The following MEOX1 variants were observed in gnomAD, a reference collection of about 807,000 sequenced individuals.
MEOX1 encodes the protein homeobox protein MOX-1.
In MEOX1, 17 loss-of-function variants were observed where a neutral mutation model predicts 23.2. That is an observed-to-expected ratio of 0.73 (90% CI 0.50 to 1.10). The LOEUF (loss-of-function observed/expected upper bound fraction) is 1.10. Among genes scored for constraint, MEOX1 ranks in the 50% least tolerant of loss-of-function variants. The probability of loss-of-function intolerance (pLI) is 0.00; values close to 1 mark genes in which losing one functional copy is unlikely to be tolerated. For synonymous variants in MEOX1, 134 were observed against 135.1 expected (o/e 0.99, Z 0.06); for missense variants, 333 against 332.2 (o/e 1.00, Z -0.02).
intron 1 of MEOX1, among the ~76,000 whole-genome samples, chr17:43,659,828 C>T (rs986917075): frequency 6.6e-6 from 1 of 152,232 alleles, no homozygotes; most frequent in African/African-American, 2.4e-5. Context: ...CAGGGCACAT[C>T]CCACTGCTGA....
At chr17:43,655,930 T>C (rs773400633) in intron 1 of MEOX1, among the ~76,000 whole-genome samples, 1 of 152,188 alleles carries the variant, frequency 6.6e-6, no homozygotes, top group African/African-American at 2.4e-5. Context: ...AGAAATCGAT[T>C]GCACAACTAC....
rs57762377 is a variant in MEOX1 at position 43,655,660 on chromosome 17, TAAAAAAAAAAAAAAAA to T, written c.469+5390_469+5405del. Among the ~76,000 whole-genome samples the T allele has an allele frequency of 4.0e-5, 3 of 75,598 alleles. No individual in the cohort carries two copies. The Admixed American group carries it at 5.3e-4, about 13-fold the overall frequency. The allele number at this position is 75,598 out of a possible 152,430, so 49.6% of individuals were successfully genotyped here. On this transcript the variant is annotated intron_variant, in intron 1 of 2. Transcript: ENST00000318579. ...GCAGCATAGCAAGACCCTGTCTTTC[TAAAAAAAAAAAAAAAA>T]AAAAAAAAAAGAAGAAAATCCTGTC...
At chr17:43,646,359 C>T (rs531928188) in intron 1 of MEOX1, among the ~76,000 whole-genome samples, 1 of 152,336 alleles carries the variant, frequency 6.6e-6, no homozygotes, top group East Asian at 1.9e-4. Flanking sequence ...ACGGGCTTCC[C>T]GGAGCACAGC....
rs1973138757 is a variant in MEOX1, at chr17:43,661,357, G to T, written c.178C>A (p.Pro60Thr). ...DFLATATAAY[P>T]DFSASCLAAT... ...GCCAGGCAGGAGGCTGAGAAGTCAG[G>T]GTACGCTGCCGTCGCTGTCGCCAGG... Residue 60 changes from proline to threonine, a missense_variant, in exon 1 of 3, where the codon CCT becomes ACT. Coordinates refer to ENST00000318579, the MANE Select transcript of MEOX1 (RefSeq NM_004527.4). 6.2e-7 allele frequency: 1 copy of T among 1,613,960 alleles called. No homozygotes were observed. The highest frequency in any genetic ancestry group is 8.5e-7 in the Non-Finnish European group (1 of 1,179,948).
chr17:43,643,484 G>A lies in MEOX1; in HGVS notation c.642+4C>T, dbSNP rs138317571. The A allele has an allele frequency of 1.4e-5, 22 of 1,570,466 alleles. No individual in the cohort carries two copies. The highest frequency in any genetic ancestry group is 1.7e-5 in the Non-Finnish European group (20 of 1,156,746). On this transcript the variant is annotated splice_donor_region_variant and intron_variant, in intron 2 of 2. Coordinates refer to ENST00000318579, the MANE Select transcript of MEOX1 (RefSeq NM_004527.4). ...AGAAGAGGAGGGGCCCACCGGGGGC[G>A]CACCTGGCGCTCAGAGAGGTCCAGG...
At chr17:43,655,153 C>T (rs188501937) in intron 1 of MEOX1, among the ~76,000 whole-genome samples, 1 of 152,198 alleles carries the variant, frequency 6.6e-6, no homozygotes, top group East Asian at 1.9e-4. Flanking sequence ...AAGCAACCTA[C>T]ATGTTCATCA....
At chr17:43,657,782 A>C (rs560841014) in intron 1 of MEOX1, among the ~76,000 whole-genome samples, 1 of 152,336 alleles carries the variant, frequency 6.6e-6, no homozygotes, top group South Asian at 2.1e-4. Context: ...AGACAGCATA[A>C]TTGAAATATT....
chr17:43,659,399 T>A (rs1052175046), intron 1 of MEOX1, among the ~76,000 whole-genome samples: 3 of 152,144 alleles, frequency 2.0e-5, no homozygotes, highest in African/African-American at 7.2e-5. Flanking sequence ...TTAGCAGCCA[T>A]GAGGGCTGCT....
Position 43,661,729 on chromosome 17 carries a change from C to T in MEOX1, c.-195G>A. On this transcript the variant is annotated 5_prime_UTR_variant, in exon 1 of 3. Coordinates refer to ENST00000318579, the MANE Select transcript of MEOX1 (RefSeq NM_004527.4). The stretch of plus-strand genomic sequence containing the variant: ...TCCTTAAAGTACACACACATGTGGC[C>T]AGCTACTCCTATGTGTGTGCACACA... 1 of 501,536 alleles carries T rather than the reference C, an allele frequency of 2.0e-6. No homozygotes were observed. Among genetic ancestry groups the T allele is most frequent in the Non-Finnish European group, 3.5e-6 (1 of 287,874 alleles). 31.1% of individuals were successfully genotyped at this position (501,536 alleles called of 1,614,324 possible). A position where few individuals can be genotyped will look rare whatever the true frequency, so the allele number is the denominator to read the frequency against.
intron 2 of MEOX1, 58 bp from the exon 3 acceptor site, chr17:43,642,090 T>G (rs559053526): frequency 1.2e-5 from 18 of 1,560,636 alleles, no homozygotes; most frequent in Non-Finnish European, 1.5e-5. Context: ...CTCCTCCCCA[T>G]GTCAATGCTT....
rs776306534 is a variant in MEOX1 at position 43,643,466 on chromosome 17, G to T, written c.642+22C>A. ...AGGGAGATGAGAGAGCAAAGAAGAG[G>T]AGGGGCCCACCGGGGGCGCACCTGG... On this transcript the variant is annotated intron_variant, in intron 2 of 2. Coordinates refer to ENST00000318579, the MANE Select transcript of MEOX1 (RefSeq NM_004527.4). 17 of 1,548,420 alleles carry T rather than the reference G, an allele frequency of 1.1e-5. 1 individual carries two copies. In the South Asian group the frequency reaches 1.9e-4, roughly 18 times the overall value.
At chr17:43,642,720 G>A (rs1027665392) in intron 2 of MEOX1, among the ~76,000 whole-genome samples, 47 of 152,226 alleles carry the variant, frequency 3.1e-4, no homozygotes, top group African/African-American at 1.1e-3. Flanking sequence ...CTCAAAGTGT[G>A]CCCAGGAACC....
chr17:43,647,113 G>A (rs943637896), intron 1 of MEOX1, among the ~76,000 whole-genome samples: 13 of 152,220 alleles, frequency 8.5e-5, no homozygotes, highest in African/African-American at 3.1e-4. Flanking sequence ...TGTGCCCAGA[G>A]GCATCTGCGG....
intron 1 of MEOX1, among the ~76,000 whole-genome samples, chr17:43,650,303 A>C (rs920912043): frequency 3.9e-5 from 6 of 152,202 alleles, no homozygotes; most frequent in African/African-American, 1.4e-4. Context: ...CTGTAAGGAC[A>C]CACGGCAAGT....
Position 43,646,943 on chromosome 17 carries a change from C to T in MEOX1, c.470-3283G>A, listed in dbSNP as rs141782960. ...CGGAGGTTGCGGTGAGCCGAGATTG[C>T]GCCATTGCTCTCCAGCCTGGGCAAC... On this transcript the variant is annotated intron_variant, in intron 1 of 2. Coordinates refer to ENST00000318579, the MANE Select transcript of MEOX1 (RefSeq NM_004527.4). 7.4e-3 allele frequency among the ~76,000 whole-genome samples: 1,134 copies of T among 152,236 alleles called. 33 individuals carry two copies. In the East Asian group the frequency reaches 0.082, roughly 11 times the overall value.
At chr17:43,649,774 T>G (rs1448813018) in intron 1 of MEOX1, among the ~76,000 whole-genome samples, 1 of 152,134 alleles carries the variant, frequency 6.6e-6, no homozygotes, top group Non-Finnish European at 1.5e-5. Context: ...GCTGCCTCTG[T>G]GATTAGGAAG....
chr17:43,648,937 G>A (rs1278017622), intron 1 of MEOX1, among the ~76,000 whole-genome samples: 3 of 152,182 alleles, frequency 2.0e-5, no homozygotes, highest in Non-Finnish European at 4.4e-5. Flanking sequence ...ACCTGTTGGT[G>A]AACCTGGGCC....
chr17:43,649,096 G>C (rs1161946882), intron 1 of MEOX1, among the ~76,000 whole-genome samples: 3 of 152,152 alleles, frequency 2.0e-5, no homozygotes, highest in Admixed American at 6.6e-5. Context: ...ACAGGAGCTG[G>C]ATAGCGGGCG....
Position 43,661,634 on chromosome 17 carries a change from A to C in MEOX1, c.-100T>G. The C allele has an allele frequency of 1.5e-6, 1 of 678,508 alleles. No individual in the cohort carries two copies. Among genetic ancestry groups the C allele is most frequent in the East Asian group, 3.3e-5 (1 of 30,768 alleles). 42.0% of individuals were successfully genotyped at this position (678,508 alleles called of 1,614,324 possible). A position where few individuals can be genotyped will look rare whatever the true frequency, so the allele number is the denominator to read the frequency against. On this transcript the variant is annotated 5_prime_UTR_variant, in exon 1 of 3. Coordinates refer to ENST00000318579, the MANE Select transcript of MEOX1 (RefSeq NM_004527.4). Reference sequence around the variant, plus strand: ...TGCAAAAGAAAAAAAACTAAATAGGAGGGAAAAATGTTCAACAGAAAATTT... The same window carrying C: ...TGCAAAAGAAAAAAAACTAAATAGGCGGGAAAAATGTTCAACAGAAAATTT...
Sources: gnomAD v4.1 joint callset for allele counts (sites outside exome capture counted in the v4.1 genomes callset) on GRCh38, gnomAD v4.1.1 for gene constraint, MANE v1.5 for transcripts, NCBI Gene and HGNC (gene_info 2026-07-23, HGNC 2026-07-21) for gene names.